MEGF11: variants seen among roughly 807,000 people sequenced by gnomAD.
MEGF11 encodes multiple epidermal growth factor-like domains protein 11.
MEGF11 carries 126 observed loss-of-function variants against 146.6 expected under a neutral mutation model. That is an observed-to-expected ratio of 0.86 (90% confidence interval 0.74 to 1.00). The LOEUF (loss-of-function observed/expected upper bound fraction) is 1.00. MEGF11 is among the 50% of genes least tolerant of loss of function. The pLI, the probability that MEGF11 is intolerant of heterozygous loss-of-function variation, is 0.00. For synonymous variants in MEGF11, 532 were observed against 583.4 expected (o/e 0.91, Z 1.27); for missense variants, 1,509 against 1,521.2 (o/e 0.99, Z 0.13).
At position 66,025,067 on chromosome 15, in the gene MEGF11, T is replaced by C. The variant is rs145338409; in HGVS notation, c.395-42579A>G. Among the ~76,000 whole-genome samples, 1,222 of 151,186 alleles carry C rather than the reference T, an allele frequency of 8.1e-3. 5 individuals carry two copies. Among genetic ancestry groups the C allele is most frequent in the Admixed American group, 0.012 (181 of 15,190 alleles). On this transcript the variant is annotated intron_variant, in intron 5 of 25. Coordinates refer to ENST00000395614, the MANE Select transcript of MEGF11 (RefSeq NM_001385028.1). ...CTGGAGTGAGCCCCTCACTGGATAA[T>C]GAAGATGAATTCCGGCCAGGTCTGC...
intron 1 of MEGF11, among the ~76,000 whole-genome samples, chr15:66,208,657 A>T (rs12903386): frequency 2.0e-5 from 3 of 151,336 alleles, no homozygotes; most frequent in African/African-American, 4.9e-5. Context: ...CAAGGTGGGC[A>T]GATCACCTGA....
intron 5 of MEGF11, among the ~76,000 whole-genome samples, chr15:65,998,069 G>A (rs956776209): frequency 6.6e-6 from 1 of 152,186 alleles, no homozygotes; most frequent in Non-Finnish European, 1.5e-5. Context: ...TCTAGGTGAG[G>A]TAGAGAAGGC....
chr15:66,202,682 T>A (rs572226164), intron 1 of MEGF11, among the ~76,000 whole-genome samples: 2 of 152,360 alleles, frequency 1.3e-5, no homozygotes, highest in South Asian at 4.1e-4. Context: ...CTTCCCTTTC[T>A]GGAAACTTCC....
intron 5 of MEGF11, among the ~76,000 whole-genome samples, chr15:66,081,339 A>T (rs2085846444): frequency 2.0e-5 from 3 of 152,092 alleles, no homozygotes; most frequent in South Asian, 2.1e-4. Flanking sequence ...ATAAAACATC[A>T]TGAGCTGTCA....
intron 4 of MEGF11, among the ~76,000 whole-genome samples, chr15:66,099,434 C>A (rs552031083): frequency 6.6e-6 from 1 of 152,112 alleles, no homozygotes; most frequent in South Asian, 2.1e-4. Context: ...ATCTGCCCAC[C>A]TCAGCCTCCC....
intron 21 of MEGF11, 105 bp downstream of exon 21, chr15:65,911,977 C>T: frequency 1.9e-6 from 1 of 535,596 alleles, no homozygotes; most frequent in Non-Finnish European, 2.8e-6. Flanking sequence ...GTCAGTTCTA[C>T]ATGGACCCTC....
chr15:65,992,459 G>GT (rs979679864), intron 5 of MEGF11, among the ~76,000 whole-genome samples: 1 of 145,606 alleles, frequency 6.9e-6, no homozygotes, highest in African/African-American at 2.5e-5. Flanking sequence ...GTGGGGGGGG[G>GT]GGTTAGTCAC....
At chr15:66,160,353 C>A (rs1476951761) in intron 1 of MEGF11, among the ~76,000 whole-genome samples, 2 of 151,152 alleles carry the variant, frequency 1.3e-5, no homozygotes, top group Non-Finnish European at 2.9e-5. Context: ...AGGTAACAAG[C>A]CAACAGGCAA....
intron 21 of MEGF11, 119 bp downstream of exon 21, chr15:65,911,963 G>T (rs2078825744): frequency 2.2e-6 from 1 of 454,858 alleles, no homozygotes; most frequent in Non-Finnish European, 3.6e-6. Context: ...TTAATGTATT[G>T]GTGGTCAGTT....
At chr15:66,248,105 G>A (rs1479404154) in intron 1 of MEGF11, among the ~76,000 whole-genome samples, 2 of 152,184 alleles carry the variant, frequency 1.3e-5, no homozygotes, top group East Asian at 3.8e-4. Flanking sequence ...GGGAAAGTCT[G>A]CTGAGGGGCT....
chr15:65,965,751 C>T (rs1480578556), intron 8 of MEGF11, among the ~76,000 whole-genome samples: 1 of 151,822 alleles, frequency 6.6e-6, no homozygotes, highest in Non-Finnish European at 1.5e-5. Flanking sequence ...TCTCAGCCTC[C>T]AGAACTGTGA....
At chr15:66,146,135 G>T (rs116658807) in intron 1 of MEGF11, among the ~76,000 whole-genome samples, 1 of 152,142 alleles carries the variant, frequency 6.6e-6, no homozygotes. Context: ...TTCACTGCCC[G>T]TTCTACAAAG....
chr15:66,061,048 G>A (rs1177765608), intron 5 of MEGF11, among the ~76,000 whole-genome samples: 2 of 152,188 alleles, frequency 1.3e-5, no homozygotes, highest in Non-Finnish European at 2.9e-5. Flanking sequence ...CAGTGAAGAT[G>A]GGGAGCCCAG....
intron 1 of MEGF11, among the ~76,000 whole-genome samples, chr15:66,140,717 A>G (rs934292589): frequency 6.6e-6 from 1 of 152,156 alleles, no homozygotes; most frequent in Non-Finnish European, 1.5e-5. Flanking sequence ...AGAGGGAAAG[A>G]GGAGAAAGAA....
intron 1 of MEGF11, among the ~76,000 whole-genome samples, chr15:66,225,613 A>T (rs1228975260): frequency 3.3e-5 from 5 of 152,200 alleles, no homozygotes; most frequent in Admixed American, 3.3e-4. Flanking sequence ...GTTTACAAGC[A>T]CACATTCACA....
At chr15:66,150,237 G>T (rs2089513235) in intron 1 of MEGF11, among the ~76,000 whole-genome samples, 1 of 152,250 alleles carries the variant, frequency 6.6e-6, no homozygotes, top group Admixed American at 6.5e-5. Context: ...AGCCTGGCGG[G>T]CATGGTGGGG....
chr15:66,019,170 C>T (rs333609), intron 5 of MEGF11, among the ~76,000 whole-genome samples: 101,379 of 152,026 alleles, frequency 0.67, 34,793 homozygotes, highest in Non-Finnish European at 0.76. Context: ...AGGGCCTGTG[C>T]GTGGGAACCA....
intron 5 of MEGF11, among the ~76,000 whole-genome samples, chr15:65,996,112 G>A (rs2082189375): frequency 6.6e-6 from 1 of 152,142 alleles, no homozygotes; most frequent in Non-Finnish European, 1.5e-5. Flanking sequence ...GACTTTCGGG[G>A]TGGCCTCAGG....
chr15:66,104,636 C>G (rs1238470872), intron 4 of MEGF11, among the ~76,000 whole-genome samples: 1 of 152,222 alleles, frequency 6.6e-6, no homozygotes, highest in Non-Finnish European at 1.5e-5. Flanking sequence ...ACAGTCACCA[C>G]AATTTGAACT....
Sources: gnomAD v4.1 joint callset for allele counts (sites outside exome capture counted in the v4.1 genomes callset) on GRCh38, gnomAD v4.1.1 for gene constraint, MANE v1.5 for transcripts, NCBI Gene and HGNC (gene_info 2026-07-23, HGNC 2026-07-21) for gene names.